SMARCAL1: variants seen among roughly 807,000 people sequenced by gnomAD.
SMARCAL1 encodes the protein ATP-driven annealing helicase.
A neutral mutation model predicts 94.5 loss-of-function variants in SMARCAL1; 58 were observed. The observed-to-expected ratio is 0.61, with a 90% CI of 0.50 to 0.76. The LOEUF (loss-of-function observed/expected upper bound fraction) is 0.76, where lower values mean the gene tolerates loss of function less well. Ranked by LOEUF, SMARCAL1 falls within the 30% of genes least tolerant of loss-of-function variation. The pLI, the probability that SMARCAL1 is intolerant of heterozygous loss-of-function variation, is 0.00. For synonymous variants in SMARCAL1, 422 were observed against 455.1 expected, an observed-to-expected ratio of 0.93 and a Z score of 0.93; for missense variants, 1,051 against 1,177.9, an observed-to-expected ratio of 0.89 and a Z score of 1.58.
At chr2:216,422,919 T>G (rs1214483966) in intron 5 of SMARCAL1, among the ~76,000 whole-genome samples, 2 of 152,264 alleles carry the variant, frequency 1.3e-5, no homozygotes. Context: ...ACGATGCTGA[T>G]TAGCAGATGA....
At chr2:216,453,189 G>C (rs1029607829) in intron 12 of SMARCAL1, among the ~76,000 whole-genome samples, 8 of 152,174 alleles carry the variant, frequency 5.3e-5, no homozygotes, top group Admixed American at 3.9e-4. Flanking sequence ...AGCTGAGAAA[G>C]AGCCCGGAGC....
At chr2:216,427,951 T>C (rs1384833912) in intron 6 of SMARCAL1, among the ~76,000 whole-genome samples, 1 of 152,214 alleles carries the variant, frequency 6.6e-6, no homozygotes, top group East Asian at 1.9e-4. Context: ...CAGTTTCTCT[T>C]TGTAGTTTCC....
intron 6 of SMARCAL1, among the ~76,000 whole-genome samples, chr2:216,424,833 C>T (rs910651896): frequency 2.6e-5 from 4 of 152,214 alleles, no homozygotes; most frequent in African/African-American, 9.7e-5. Flanking sequence ...CTGGCTGAAG[C>T]AGAAAGAATG....
At chr2:216,478,433 G>T in intron 17 of SMARCAL1, 134 bp downstream of exon 17, 3 of 748,672 alleles carry the variant, frequency 4.0e-6, no homozygotes, top group Non-Finnish European at 4.8e-6. Flanking sequence ...GAAAACAATG[G>T]CCTGCAGTCA....
At chr2:216,446,066 C>T (rs970277913) in intron 10 of SMARCAL1, among the ~76,000 whole-genome samples, 5 of 152,108 alleles carry the variant, frequency 3.3e-5, no homozygotes, top group African/African-American at 1.2e-4. Flanking sequence ...GTGAATTTTA[C>T]GTCCAGTAAT....
chr2:216,469,345 G>A (rs1017244856), intron 14 of SMARCAL1, among the ~76,000 whole-genome samples: 2 of 134,382 alleles, frequency 1.5e-5, no homozygotes, highest in Admixed American at 8.5e-5. Flanking sequence ...GCAGTAGCAC[G>A]ACCTTGGCTC....
chr2:216,451,250 A>C, intron 12 of SMARCAL1, 186 bp downstream of exon 12: 2 of 632,736 alleles, frequency 3.2e-6, no homozygotes, highest in Non-Finnish European at 5.7e-6. Context: ...GAAAAATCTC[A>C]TATTAAGTTG....
intron 13 of SMARCAL1, among the ~76,000 whole-genome samples, chr2:216,467,339 T>C (rs1001745004): frequency 6.6e-6 from 1 of 151,912 alleles, no homozygotes; most frequent in African/African-American, 2.4e-5. Context: ...GGCGTTGTGG[T>C]ACACACCTGT....
chr2:216,442,495 C>T (rs1371743055), intron 10 of SMARCAL1, among the ~76,000 whole-genome samples: 3 of 151,984 alleles, frequency 2.0e-5, no homozygotes, highest in Admixed American at 2.0e-4. Flanking sequence ...CCTCTAGGTT[C>T]CCTAGTCCCC....
At chr2:216,460,077 A>G (rs1353767406) in intron 12 of SMARCAL1, among the ~76,000 whole-genome samples, 4 of 152,238 alleles carry the variant, frequency 2.6e-5, no homozygotes, top group Admixed American at 6.5e-5. Context: ...CAACAGACAC[A>G]TGAAAAAATG....
chr2:216,432,742 C>G lies in SMARCAL1; in HGVS notation c.1359C>G (p.Arg453=), dbSNP rs767585674. The change falls in exon 8 of 18, where the codon CGC becomes CGG. Residue 453 remains arginine, a synonymous_variant. Transcript: ENST00000357276. ...GVNFAIAKGG[R]LLLADDMGLG... The stretch of plus-strand genomic sequence containing the variant: ...GTTTTGCCATAGCCAAAGGAGGCCG[C>G]CTGCTGCTCGCTGACGACATGGGCC... 2 of 1,614,160 alleles carry G rather than the reference C, an allele frequency of 1.2e-6. No individual in the cohort carries two copies. Among genetic ancestry groups the G allele is most frequent in the Admixed American group, 3.3e-5 (2 of 60,024 alleles).
chr2:216,415,106 T>G lies in SMARCAL1; in HGVS notation c.402T>G (p.Pro134=). 1 of 1,613,918 alleles carries G rather than the reference T, an allele frequency of 6.2e-7. No individual in the cohort carries two copies. ...TGGCACAAAGTCCTCCAGAGGTCCCTAAACAACAGCTCTTGAGTTATGAGT... is the reference window on the plus strand; with the variant it reads ...TGGCACAAAGTCCTCCAGAGGTCCCGAAACAACAGCTCTTGAGTTATGAGT... ...PPLAQSPPEV[P]KQQLLSYELG... Residue 134 remains proline, a synonymous_variant, in exon 3 of 18, where the codon CCT becomes CCG. Coordinates refer to ENST00000357276, the MANE Select transcript of SMARCAL1 (RefSeq NM_014140.4).
chr2:216,481,341 A>G (rs1409834869), intron 17 of SMARCAL1, among the ~76,000 whole-genome samples: 4 of 151,158 alleles, frequency 2.6e-5, no homozygotes, highest in Non-Finnish European at 4.4e-5. Context: ...CTACAGGCGC[A>G]TGCTGCCAAC....
Position 216,414,905 on chromosome 2 carries a change from T to C in SMARCAL1, c.201T>C (p.His67=), listed in dbSNP as rs920918007. The change falls in exon 3 of 18, where the codon CAT becomes CAC. Residue 67 remains histidine, a synonymous_variant. Transcript: ENST00000357276. ...GGGAGTCTTGTAAGCCAGTGAGCCA[T>C]GGTGTCATTTTCAAGCAACAGAATC... ...FPRESCKPVS[H]GVIFKQQNLS... 1.2e-6 allele frequency: 2 copies of C among 1,614,148 alleles called. No individual in the cohort carries two copies. The highest frequency in any genetic ancestry group is 1.7e-6 in the Non-Finnish European group (2 of 1,180,030).
intron 6 of SMARCAL1, among the ~76,000 whole-genome samples, chr2:216,426,792 C>T (rs1464054375): frequency 3.3e-5 from 5 of 152,170 alleles, no homozygotes; most frequent in Non-Finnish European, 7.3e-5. Flanking sequence ...GTACTGTGAA[C>T]CTGGGGAATG....
At chr2:216,467,192 C>T (rs750106414) in intron 13 of SMARCAL1, among the ~76,000 whole-genome samples, 1 of 152,036 alleles carries the variant, frequency 6.6e-6, no homozygotes, top group Non-Finnish European at 1.5e-5. Flanking sequence ...GGAAGCTTGC[C>T]GGGTGCGGTG....
chr2:216,431,154 C>T (rs1198028032), intron 7 of SMARCAL1, among the ~76,000 whole-genome samples: 2 of 152,226 alleles, frequency 1.3e-5, no homozygotes, highest in Admixed American at 6.5e-5. Context: ...CTACTGGCTT[C>T]GGGCTGCCTG....
intron 8 of SMARCAL1, among the ~76,000 whole-genome samples, chr2:216,435,069 C>G (rs1240663884): frequency 1.3e-5 from 2 of 151,840 alleles, no homozygotes; most frequent in East Asian, 3.9e-4. Flanking sequence ...TGTTGGTCAG[C>G]CTGGTCTCAA....
chr2:216,456,386 A>G (rs1364445595), intron 12 of SMARCAL1, among the ~76,000 whole-genome samples: 1 of 152,226 alleles, frequency 6.6e-6, no homozygotes, highest in Admixed American at 6.5e-5. Flanking sequence ...TCCAAGACAC[A>G]TAATTGTCAG....
Sources: gnomAD v4.1 joint callset for allele counts (sites outside exome capture counted in the v4.1 genomes callset) on GRCh38, gnomAD v4.1.1 for gene constraint, MANE v1.5 for transcripts, NCBI Gene and HGNC (gene_info 2026-07-23, HGNC 2026-07-21) for gene names.